Variants in CTNNA3 observed in about 807,000 individuals in gnomAD.
CTNNA3 encodes catenin alpha 3.
In CTNNA3, 76 loss-of-function variants were observed where a neutral mutation model predicts 95.7. That is an observed-to-expected ratio of 0.79 (90% CI 0.66 to 0.96). The LOEUF is 0.96. Among genes scored for constraint, CTNNA3 ranks in the 40% least tolerant of loss-of-function variants. The pLI is 0.00. For missense variants in CTNNA3, 1,191 were observed against 1,089.8 expected, an observed-to-expected ratio of 1.09 and a Z score of -1.31; for synonymous variants, 431 against 374.4, an observed-to-expected ratio of 1.15 and a Z score of -1.74.
intron 11 of CTNNA3, among the ~76,000 whole-genome samples, chr10:66,515,345 C>CTATATATA (rs1554809600): frequency 3.4e-5 from 5 of 148,894 alleles, no homozygotes; most frequent in Non-Finnish European, 7.4e-5. Flanking sequence ...CTCTCTCTCT[C>CTATATATA]TATATATATA....
chr10:67,090,747 C>T (rs1857582484), intron 7 of CTNNA3, among the ~76,000 whole-genome samples: 1 of 152,002 alleles, frequency 6.6e-6, no homozygotes, highest in Non-Finnish European at 1.5e-5. Flanking sequence ...CACGCATCAA[C>T]TGACAGACGC....
chr10:66,361,954 G>T (rs540129142), intron 12 of CTNNA3, among the ~76,000 whole-genome samples: 3 of 151,984 alleles, frequency 2.0e-5, no homozygotes, highest in East Asian at 1.9e-4. Context: ...TGCATTGAGA[G>T]AATACTTTTG....
chr10:66,393,307 A>G (rs866514032), intron 11 of CTNNA3, among the ~76,000 whole-genome samples: 32 of 152,064 alleles, frequency 2.1e-4, no homozygotes, highest in African/African-American at 7.5e-4. Context: ...ACATTAATAT[A>G]CATTTGTCAA....
chr10:66,710,242 C>G (rs1002409290), intron 9 of CTNNA3, among the ~76,000 whole-genome samples: 1 of 152,152 alleles, frequency 6.6e-6, no homozygotes, highest in African/African-American at 2.4e-5. Flanking sequence ...CTCAAGGTCA[C>G]AGCAGAATCA....
At chr10:67,204,023 C>A (rs1369013430) in intron 6 of CTNNA3, among the ~76,000 whole-genome samples, 1 of 151,982 alleles carries the variant, frequency 6.6e-6, no homozygotes, top group Non-Finnish European at 1.5e-5. Context: ...TGATATTAGC[C>A]CTCTCTTTAA....
intron 5 of CTNNA3, among the ~76,000 whole-genome samples, chr10:67,405,705 G>A (rs1377729689): frequency 6.6e-6 from 1 of 152,048 alleles, no homozygotes; most frequent in African/African-American, 2.4e-5. Context: ...AAGTGGAACT[G>A]ACAGATATCT....
At chr10:67,268,000 T>C (rs1866897944) in intron 5 of CTNNA3, among the ~76,000 whole-genome samples, 1 of 152,132 alleles carries the variant, frequency 6.6e-6, no homozygotes, top group African/African-American at 2.4e-5. Context: ...CACATAATAA[T>C]TTGATAAAAT....
intron 9 of CTNNA3, among the ~76,000 whole-genome samples, chr10:66,699,020 T>G (rs78479093): frequency 0.013 from 2,014 of 152,324 alleles, 26 homozygotes; most frequent in Non-Finnish European, 0.024. Context: ...TTTATATTTG[T>G]GTATGTCTAT....
At chr10:67,522,290 C>CT (rs1425682986) in intron 4 of CTNNA3, among the ~76,000 whole-genome samples, 1 of 152,106 alleles carries the variant, frequency 6.6e-6, no homozygotes, top group African/African-American at 2.4e-5. Flanking sequence ...TTAGAAAGCA[C>CT]TGTGAATGTA....
chr10:67,259,606 C>G (rs1418583944), intron 5 of CTNNA3, among the ~76,000 whole-genome samples: 1 of 152,166 alleles, frequency 6.6e-6, no homozygotes, highest in African/African-American at 2.4e-5. Context: ...AGAGCACTTA[C>G]ACTGTAAAAT....
intron 10 of CTNNA3, among the ~76,000 whole-genome samples, chr10:66,529,449 TG>T (rs771506410): frequency 0.011 from 1,626 of 149,632 alleles, 29 homozygotes; most frequent in African/African-American, 0.026. Context: ...GTTTTTTTTT[TG>T]TTTTTTTTTT....
intron 1 of CTNNA3, among the ~76,000 whole-genome samples, chr10:67,726,426 T>TTATATAATATATAATATTA (rs1285650369): frequency 1.7e-4 from 5 of 29,508 alleles, no homozygotes; most frequent in East Asian, 1.4e-3. Context: ...ATATTATATA[T>TTATATAATATATAATATTA]TATATCATAT....
chr10:67,395,268 G>T (rs527755246), intron 5 of CTNNA3, among the ~76,000 whole-genome samples: 1 of 152,240 alleles, frequency 6.6e-6, no homozygotes, highest in South Asian at 2.1e-4. Flanking sequence ...CATCACTTTA[G>T]ACTGCAACAC....
intron 7 of CTNNA3, among the ~76,000 whole-genome samples, chr10:67,009,329 T>A (rs1852187252): frequency 6.6e-6 from 1 of 152,130 alleles, no homozygotes; most frequent in South Asian, 2.1e-4. Context: ...TTATGGGATT[T>A]TTTTCAAAGC....
chr10:66,387,820 T>C (rs1259848225), intron 11 of CTNNA3, among the ~76,000 whole-genome samples: 1 of 152,034 alleles, frequency 6.6e-6, no homozygotes, highest in Admixed American at 6.6e-5. Context: ...CTGGAAACCA[T>C]CATTCTGAGC....
chr10:66,422,128 T>C (rs1045913621), intron 11 of CTNNA3, among the ~76,000 whole-genome samples: 76 of 152,080 alleles, frequency 5.0e-4, no homozygotes, highest in African/African-American at 1.7e-3. Flanking sequence ...AAGTAAACAT[T>C]GCACAAATAT....
chr10:67,528,827 A>T (rs1840228356), intron 4 of CTNNA3, among the ~76,000 whole-genome samples: 1 of 152,228 alleles, frequency 6.6e-6, no homozygotes, highest in Admixed American at 6.5e-5. Flanking sequence ...TAATCAAATC[A>T]GAGATAACTG....
chr10:67,107,543 G>A (rs1009735522), intron 7 of CTNNA3, among the ~76,000 whole-genome samples: 13 of 152,028 alleles, frequency 8.6e-5, no homozygotes, highest in Non-Finnish European at 1.0e-4. Context: ...ATGAAAACAC[G>A]GCCTTTAGAT....
chr10:66,476,923 A>G (rs1433199229), intron 11 of CTNNA3, among the ~76,000 whole-genome samples: 1 of 152,032 alleles, frequency 6.6e-6, no homozygotes, highest in Admixed American at 6.6e-5. Flanking sequence ...ATGTCCTCCT[A>G]AGTCACATTC....
Sources: gnomAD v4.1 joint callset for allele counts (sites outside exome capture counted in the v4.1 genomes callset) on GRCh38, gnomAD v4.1.1 for gene constraint, MANE v1.5 for transcripts, NCBI Gene and HGNC (gene_info 2026-07-23, HGNC 2026-07-21) for gene names.